The following DYTN variants were observed in gnomAD, a reference collection of about 807,000 sequenced individuals.
DYTN encodes dystrotelin.
In DYTN, 75 loss-of-function variants were observed where a neutral mutation model predicts 69.6. The observed-to-expected ratio is 1.08, with a 90% CI of 0.89 to 1.31. The LOEUF (loss-of-function observed/expected upper bound fraction) is 1.31. Ranked by LOEUF, DYTN falls within the 50% of genes most tolerant of loss-of-function variation. The pLI is 0.00. For missense variants in DYTN, 726 were observed against 688.4 expected (o/e 1.05, Z -0.61); for synonymous variants, 252 against 249.1 (o/e 1.01, Z -0.11).
Position 206,693,296 on chromosome 2 carries a change from G to C in DYTN, c.859C>G (p.Leu287Val), listed in dbSNP as rs375843014. ...AGGTTGTTTCTGAGGGTCCTGAAGA[G>C]AAGTTTTGTATTCTGCATTGCTGAC... is the stretch of plus-strand genomic sequence containing the variant. The part of the protein sequence containing the change: ...QMSAMQNTKL[L>V]FRTLRNNLLQ... Residue 287 changes from leucine to valine, a missense_variant, in exon 9 of 12, where the codon CTC becomes GTC. By Grantham distance (32) the Leu-to-Val change is conservative. Transcript: ENST00000452335. The C allele has an allele frequency of 1.9e-6, 3 of 1,612,916 alleles. No individual in the cohort carries two copies. The highest frequency in any genetic ancestry group is 2.5e-6 in the Non-Finnish European group (3 of 1,179,856).
chr2:206,662,821 T>C lies in DYTN; in HGVS notation c.1633+82A>G. The C allele has an allele frequency of 2.6e-6, 4 of 1,528,276 alleles. No homozygotes were observed. In the East Asian group the frequency reaches 9.0e-5, roughly 34 times the overall value. 94.7% of individuals were successfully genotyped at this position (1,528,276 alleles called of 1,614,324 possible). On this transcript the variant is annotated intron_variant, in intron 11 of 11. Coordinates refer to ENST00000452335, the MANE Select transcript of DYTN (RefSeq NM_001093730.1). The stretch of plus-strand genomic sequence containing the variant: ...TACATACTAGATGAACTGGAGCTGT[T>C]GGGCTGTTATAAAATCAAGTTTTTA...
intron 1 of DYTN, among the ~76,000 whole-genome samples, chr2:206,711,464 A>C (rs1267353800): frequency 6.6e-6 from 1 of 152,170 alleles, no homozygotes; most frequent in Non-Finnish European, 1.5e-5. Flanking sequence ...GATAAATGGG[A>C]ATTATAACAC....
intron 11 of DYTN, 55 bp downstream of exon 11, chr2:206,662,848 A>C: frequency 6.5e-7 from 1 of 1,547,468 alleles, no homozygotes; most frequent in East Asian, 2.3e-5. Context: ...AAGTTTTTAA[A>C]AAGGCAGCTT....
At chr2:206,675,157 A>C (rs1042122053) in intron 9 of DYTN, among the ~76,000 whole-genome samples, 1 of 112,690 alleles carries the variant, frequency 8.9e-6, no homozygotes, top group Non-Finnish European at 1.8e-5. Flanking sequence ...ATATATGTGT[A>C]TATATATTTA....
At chr2:206,694,318 C>G (rs1422977757) in intron 8 of DYTN, among the ~76,000 whole-genome samples, 1 of 151,316 alleles carries the variant, frequency 6.6e-6, no homozygotes, top group Admixed American at 6.6e-5. Context: ...TTTCTTTTTT[C>G]CTAAAGAAGA....
intron 11 of DYTN, among the ~76,000 whole-genome samples, chr2:206,652,558 A>G (rs1699399904): frequency 6.6e-6 from 1 of 152,236 alleles, no homozygotes; most frequent in Non-Finnish European, 1.5e-5. Flanking sequence ...ATAAAGATAT[A>G]TATTATAAGG....
At chr2:206,710,091 T>C (rs564977831) in intron 2 of DYTN, among the ~76,000 whole-genome samples, 1 of 152,310 alleles carries the variant, frequency 6.6e-6, no homozygotes, top group African/African-American at 2.4e-5. Flanking sequence ...TGTTCATATA[T>C]AGATTATAGG....
Position 206,700,171 on chromosome 2 carries a change from T to C in DYTN, c.529A>G (p.Ser177Gly), listed in dbSNP as rs753490160. 1 of 1,613,934 alleles carries C rather than the reference T, an allele frequency of 6.2e-7. No individual in the cohort carries two copies. Among genetic ancestry groups the C allele is most frequent in the Non-Finnish European group, 8.5e-7 (1 of 1,179,822 alleles). Reference sequence around the variant, plus strand: ...CCTTGGAAACAGCTGCGGGTGGCACTTTCCACAGGGCACAGAGCACGACTC... The same window carrying C: ...CCTTGGAAACAGCTGCGGGTGGCACCTTCCACAGGGCACAGAGCACGACTC... ...GESRALCPVE[S>G]ATRSCFQGVL... Residue 177 changes from serine (S) to glycine (G), a missense_variant, in exon 6 of 12, where the codon AGT becomes GGT. By Grantham distance (56) the Ser-to-Gly change is moderately conservative. Transcript: ENST00000452335.
chr2:206,662,986 TC>T lies in DYTN; in HGVS notation c.1549del (p.Glu517ArgfsTer24). On this transcript the variant is annotated frameshift_variant, in exon 11 of 12. Transcript: ENST00000452335. LOFTEE classifies it high-confidence loss of function. ...CTCTTCCTCCAGCTCATCCTTTCTC[TC>T]CTTGATGTTACCTGCCTCTTTCTTT... ...VEKKEAGNIK[E>X]RKDELEEEEL... 6.2e-7 allele frequency: 1 copy of T among 1,613,832 alleles called. No individual in the cohort carries two copies.
intron 9 of DYTN, among the ~76,000 whole-genome samples, chr2:206,692,249 A>G (rs908381966): frequency 6.7e-6 from 1 of 150,286 alleles, no homozygotes; most frequent in Non-Finnish European, 1.5e-5. Flanking sequence ...TGGGCGACAG[A>G]GTGAGATCTT....
chr2:206,667,056 G>A (rs1445943049), intron 9 of DYTN, among the ~76,000 whole-genome samples: 2 of 152,006 alleles, frequency 1.3e-5, no homozygotes, highest in African/African-American at 4.8e-5. Flanking sequence ...AAAAAAATAT[G>A]AACCAAGTAG....
chr2:206,671,304 C>G (rs959383968), intron 9 of DYTN, among the ~76,000 whole-genome samples: 1 of 152,142 alleles, frequency 6.6e-6, no homozygotes, highest in African/African-American at 2.4e-5. Context: ...CATTGTTGCA[C>G]AGGAACAGCC....
At chr2:206,671,595 A>G (rs16838459) in intron 9 of DYTN, among the ~76,000 whole-genome samples, 26,257 of 152,242 alleles carry the variant, frequency 0.17, 2,306 homozygotes, top group South Asian at 0.2. Flanking sequence ...ACCTCTATTC[A>G]GTCTCTATAT....
At chr2:206,657,490 T>G (rs547201765) in intron 11 of DYTN, among the ~76,000 whole-genome samples, 2 of 152,334 alleles carry the variant, frequency 1.3e-5, no homozygotes, top group South Asian at 2.1e-4. Flanking sequence ...GTATTGTATA[T>G]TCATTAACAT....
At chr2:206,705,951 A>T in intron 3 of DYTN, 78 bp from the exon 4 acceptor site, 1 of 1,483,470 alleles carries the variant, frequency 6.7e-7, no homozygotes, top group Middle Eastern at 1.7e-4. Context: ...AAAAACCATA[A>T]CTATTAATGG....
intron 7 of DYTN, 103 bp from the exon 8 acceptor site, chr2:206,694,980 G>T (rs1699905767): frequency 1.3e-6 from 1 of 774,734 alleles, no homozygotes; most frequent in Non-Finnish European, 2.0e-6. Flanking sequence ...ATATACAGAA[G>T]ATGTCTGAGC....
rs1202987113 is a variant in DYTN at position 206,718,273 on chromosome 2, G to C, written c.7C>G (p.Pro3Ala). The C allele has an allele frequency of 6.3e-7, 1 of 1,599,310 alleles. No individual in the cohort carries two copies. The highest frequency in any genetic ancestry group is 1.7e-5 in the Admixed American group (1 of 57,976). The change falls in exon 1 of 12, where the codon CCA becomes GCA. Residue 3 changes from proline (P) to alanine (A), a missense_variant. Coordinates refer to ENST00000452335, the MANE Select transcript of DYTN (RefSeq NM_001093730.1). MD[P>A]DKQDALNSIE... ...CAATAATACTCACCTTGTTTATCTG[G>C]ATCCATTTCACAAATTTCCTGGAAT...
chr2:206,675,145 G>GTGTGTGTGTGTGTGTGTGTGTGTGTGTA, intron 9 of DYTN, among the ~76,000 whole-genome samples: 1 of 120,428 alleles, frequency 8.3e-6, no homozygotes, highest in South Asian at 2.6e-4. Context: ...GTGTGTGTGT[G>GTGTGTGTGTGTGTGTGTGTGTGTGTGTA]TATATATGTG....
chr2:206,653,438 G>A (rs1220601599), intron 11 of DYTN, among the ~76,000 whole-genome samples: 3 of 152,164 alleles, frequency 2.0e-5, no homozygotes, highest in African/African-American at 7.2e-5. Context: ...CTAATGAGAT[G>A]TTAGATGGAA....
Sources: allele counts gnomAD v4.1 joint callset (sites outside exome capture counted in the v4.1 genomes callset), GRCh38; gene constraint gnomAD v4.1.1; transcripts MANE v1.5; gene names NCBI Gene and HGNC (gene_info 2026-07-23, HGNC 2026-07-21).